VASN: variants seen among roughly 807,000 people sequenced by gnomAD.
The protein encoded by VASN is protein slit-like 2.
A neutral mutation model predicts 4.8 loss-of-function variants in VASN; 5 were observed. The observed-to-expected ratio is 1.03, with a 90% CI of 0.54 to 2.17. The LOEUF (loss-of-function observed/expected upper bound fraction) is 2.17. VASN is among the 30% of genes most tolerant of loss of function. The pLI is 0.01. For missense variants in VASN, 927 were observed against 948.8 expected (o/e 0.98, Z 0.30); for synonymous variants, 499 against 460.8 (o/e 1.08, Z -1.06).
In VASN at chr16:4,381,742, C is replaced by T. The variant is rs371016547; in HGVS notation, c.865C>T (p.Arg289Cys). Residue 289 changes from arginine (R) to cysteine (C), a missense_variant, in exon 2 of 2, where the codon CGC becomes TGC. Transcript: ENST00000304735. ...LPGDLSGLFP[R>C]LRLLAAARNP... is the part of the protein sequence containing the mutation. ...TGGCGACCTCTCGGGCCTCTTCCCC[C>T]GCCTGCGGCTGCTGGCAGCTGCCCG... The T allele has an allele frequency of 1.3e-5, 21 of 1,604,738 alleles. 1 individual carries two copies. The highest frequency in any genetic ancestry group is 9.3e-5 in the African/African-American group (7 of 74,916).
Position 4,382,931 on chromosome 16 carries a change from C to T in VASN, c.*32C>T. Reference sequence around the variant, plus strand: ...GAGAGACAGGGCAGCTGGGGCCGGGCTCTCAGCCAGTGAGATGGCCAGCCC... The same window carrying T: ...GAGAGACAGGGCAGCTGGGGCCGGGTTCTCAGCCAGTGAGATGGCCAGCCC... On this transcript the variant is annotated 3_prime_UTR_variant, in exon 2 of 2. Transcript: ENST00000304735. 1 of 1,464,070 alleles carries T rather than the reference C, an allele frequency of 6.8e-7. No homozygotes were observed. Among genetic ancestry groups the T allele is most frequent in the Non-Finnish European group, 9.0e-7 (1 of 1,107,748 alleles). The allele number at this position is 1,464,070 out of a possible 1,614,324, so 90.7% of individuals were successfully genotyped here.
In VASN at chr16:4,372,496, G is replaced by T. The variant is rs1275389492; in HGVS notation, c.-10+503G>T. 7.9e-5 allele frequency among the ~76,000 whole-genome samples: 12 copies of T among 152,194 alleles called. No individual in the cohort carries two copies. The East Asian group carries it at 2.3e-3, about 29-fold the overall frequency. ...CAGCCCTAGGGAGGGGCGGGGAGTG[G>T]CTGGTGGGCGTCCGATGCCCATCCC... On this transcript the variant is annotated intron_variant, in intron 1 of 1. Coordinates refer to ENST00000304735, the MANE Select transcript of VASN (RefSeq NM_138440.3).
At chr16:4,379,702 G>A (rs2054880294) in intron 1 of VASN, among the ~76,000 whole-genome samples, 1 of 151,946 alleles carries the variant, frequency 6.6e-6, no homozygotes, top group South Asian at 2.1e-4. Flanking sequence ...CAAGGGGATG[G>A]CTGCTGCTCA....
At position 4,381,052 on chromosome 16, in the gene VASN, G is replaced by C. The variant is rs774558122; in HGVS notation, c.175G>C (p.Val59Leu). 3 of 1,610,600 alleles carry C rather than the reference G, an allele frequency of 1.9e-6. No individual in the cohort carries two copies. The highest frequency in any genetic ancestry group is 2.5e-6 in the Non-Finnish European group (3 of 1,179,180). The change falls in exon 2 of 2, where the codon GTC becomes CTC. Residue 59 changes from valine to leucine, a missense_variant. Coordinates refer to ENST00000304735, the MANE Select transcript of VASN (RefSeq NM_138440.3). ...DVPPDTVGLY[V>L]FENGITMLDA... ...GCCACCCGACACGGTGGGGCTGTAC[G>C]TCTTTGAGAACGGCATCACCATGCT...
At position 4,381,913 on chromosome 16, in the gene VASN, G is replaced by A. The variant is rs779257249; in HGVS notation, c.1036G>A (p.Asp346Asn). The change falls in exon 2 of 2, where the codon GAC becomes AAC. Residue 346 changes from aspartate (D) to asparagine (N), a missense_variant. Physicochemically the swap from Asp to Asn is conservative, Grantham distance 23 (BLOSUM62 1). Transcript: ENST00000304735. ...GRLLLELDYADFGCPATTTTA... is the reference protein window; with the variant it reads ...GRLLLELDYANFGCPATTTTA... ...GCTGCTCCTGGAGCTTGACTACGCC[G>A]ACTTTGGCTGCCCAGCCACCACCAC... 1.5e-5 allele frequency: 24 copies of A among 1,606,172 alleles called. No homozygotes were observed. Among genetic ancestry groups the A allele is most frequent in the East Asian group, 6.7e-5 (3 of 44,724 alleles).
chr16:4,383,287 G>T lies in VASN; in HGVS notation c.*388G>T. 4.3e-6 allele frequency: 1 copy of T among 235,028 alleles called. No individual in the cohort carries two copies. 14.6% of individuals were successfully genotyped at this position (235,028 alleles called of 1,614,324 possible). A position where few individuals can be genotyped will look rare whatever the true frequency, so the allele number is the denominator to read the frequency against. The stretch of plus-strand genomic sequence containing the variant: ...TCCCGGAAAGAGCAGAGGGAGAGCG[G>T]GTAGGCGGCTGTGTGACTCTAGTCT... On this transcript the variant is annotated 3_prime_UTR_variant, in exon 2 of 2. Coordinates refer to ENST00000304735, the MANE Select transcript of VASN (RefSeq NM_138440.3).
chr16:4,373,607 T>C (rs1461619289), intron 1 of VASN, among the ~76,000 whole-genome samples: 3 of 152,164 alleles, frequency 2.0e-5, no homozygotes, highest in Admixed American at 1.3e-4. Context: ...GCAAGGGAGA[T>C]GCCCCGGGCA....
In VASN at chr16:4,382,508, C is replaced by T. The variant is rs543565855; in HGVS notation, c.1631C>T (p.Pro544Leu). 22 of 1,592,458 alleles carry T rather than the reference C, an allele frequency of 1.4e-5. No individual in the cohort carries two copies. In the South Asian group the frequency reaches 1.9e-4, roughly 14 times the overall value. The change falls in exon 2 of 2, where the codon CCG becomes CTG. Residue 544 changes from proline to leucine, a missense_variant. By Grantham distance (98) the Pro-to-Leu change is moderately conservative (BLOSUM62 -3). Coordinates refer to ENST00000304735, the MANE Select transcript of VASN (RefSeq NM_138440.3). ...CVMPLGPGRV[P>L]EGEEACGEAH... ...ATGCCTTTGGGGCCCGGGCGGGTGC[C>T]GGAGGGCGAGGAGGCCTGCGGGGAG...
At position 4,382,613 on chromosome 16, in the gene VASN, C is replaced by T. The variant is rs757420411; in HGVS notation, c.1736C>T (p.Ala579Val). 20 of 1,584,958 alleles carry T rather than the reference C, an allele frequency of 1.3e-5. No homozygotes were observed. Among genetic ancestry groups the T allele is most frequent in the Middle Eastern group, 3.3e-4 (2 of 6,008 alleles). ...GAGGGCAACCTGCCGCTCCTCATTGCGCCCGCCCTGGCCGCGGTGCTCCTG... is the reference window on the plus strand; with the variant it reads ...GAGGGCAACCTGCCGCTCCTCATTGTGCCCGCCCTGGCCGCGGTGCTCCTG... The part of the protein sequence containing the change: ...AREGNLPLLI[A>V]PALAAVLLAA... The change falls in exon 2 of 2, where the codon GCG becomes GTG. Residue 579 changes from alanine to valine, a missense_variant. By Grantham distance (64) the Ala-to-Val change is moderately conservative (BLOSUM62 0). Transcript: ENST00000304735.
At position 4,381,644 on chromosome 16, in the gene VASN, G is replaced by A. The variant is rs200864274; in HGVS notation, c.767G>A (p.Arg256Gln). The change falls in exon 2 of 2, where the codon CGG becomes CAG. Residue 256 changes from arginine (R) to glutamine (Q), a missense_variant. Arg to Gln is a conservative substitution (Grantham distance 43). Coordinates refer to ENST00000304735, the MANE Select transcript of VASN (RefSeq NM_138440.3). ...GGCAACACCCGCATTGCCCAGCTGCGGCCCGAGGACCTGGCCGGCCTGGCT... is the reference window on the plus strand; with the variant it reads ...GGCAACACCCGCATTGCCCAGCTGCAGCCCGAGGACCTGGCCGGCCTGGCT... ...LAGNTRIAQL[R>Q]PEDLAGLAAL... 152 of 1,600,788 alleles carry A rather than the reference G, an allele frequency of 9.5e-5. No homozygotes were observed. In the African/African-American group the frequency reaches 1.3e-3, roughly 14 times the overall value.
Position 4,381,396 on chromosome 16 carries a change from G to C in VASN, c.519G>C (p.Leu173=), listed in dbSNP as rs757633214. Residue 173 remains leucine, a synonymous_variant, in exon 2 of 2, where the codon CTG becomes CTC. Transcript: ENST00000304735. ...LPPLRLPRLL[L]LDLSHNSLLA... Reference sequence around the variant, plus strand: ...CGCTGCGCCTGCCCCGCCTGCTGCTGCTGGACCTCAGCCACAACAGCCTCC... The same window carrying C: ...CGCTGCGCCTGCCCCGCCTGCTGCTCCTGGACCTCAGCCACAACAGCCTCC... 3.1e-6 allele frequency: 5 copies of C among 1,588,034 alleles called. No homozygotes were observed. The African/African-American group carries it at 4.0e-5, about 13-fold the overall frequency.
Position 4,382,659 on chromosome 16 carries a change from G to A in VASN, c.1782G>A (p.Gly594=), listed in dbSNP as rs1415112274. 2 of 1,552,778 alleles carry A rather than the reference G, an allele frequency of 1.3e-6. No individual in the cohort carries two copies. Among genetic ancestry groups the A allele is most frequent in the Admixed American group, 3.8e-5 (2 of 52,300 alleles). ...AVLLAALAAV[G]AAYCVRRGRA... ...TCCTGGCCGCGCTGGCTGCGGTGGG[G>A]GCAGCCTACTGTGTGCGGCGGGGGC... Residue 594 remains glycine, a synonymous_variant, in exon 2 of 2, where the codon GGG becomes GGA. Transcript: ENST00000304735.
intron 1 of VASN, among the ~76,000 whole-genome samples, chr16:4,378,065 C>T (rs1327603037): frequency 6.6e-6 from 1 of 152,184 alleles, no homozygotes; most frequent in African/African-American, 2.4e-5. Context: ...TGGCTGGTCC[C>T]CCTCCCCAGT....
rs770990773 is a variant in VASN at position 4,381,436 on chromosome 16, G to C, written c.559G>C (p.Gly187Arg). 21 of 1,579,668 alleles carry C rather than the reference G, an allele frequency of 1.3e-5. No homozygotes were observed. The highest frequency in any genetic ancestry group is 1.8e-5 in the Non-Finnish European group (21 of 1,164,780). Residue 187 changes from glycine (G) to arginine (R), a missense_variant, in exon 2 of 2, where the codon GGC becomes CGC. Coordinates refer to ENST00000304735, the MANE Select transcript of VASN (RefSeq NM_138440.3). ...CAACAGCCTCCTGGCCCTGGAGCCC[G>C]GCATCCTGGACACTGCCAACGTGGA... ...SHNSLLALEP[G>R]ILDTANVEAL...
chr16:4,373,294 G>C (rs1214092138), intron 1 of VASN, among the ~76,000 whole-genome samples: 1 of 152,100 alleles, frequency 6.6e-6, no homozygotes, highest in African/African-American at 2.4e-5. Context: ...AGCCTCCCCT[G>C]GGCCTGGGGA....
Position 4,382,071 on chromosome 16 carries a change from G to T in VASN, c.1194G>T (p.Pro398=), listed in dbSNP as rs746508419. Residue 398 remains proline, a synonymous_variant, in exon 2 of 2, where the codon CCG becomes CCT. Coordinates refer to ENST00000304735, the MANE Select transcript of VASN (RefSeq NM_138440.3). The part of the protein sequence containing the change: ...EAPSPPSTAP[P]TVGPVPQPQD... ...CCAGCCCGCCCTCCACTGCCCCACC[G>T]ACTGTAGGGCCTGTCCCCCAGCCCC... 6.3e-7 allele frequency: 1 copy of T among 1,584,290 alleles called. No homozygotes were observed. The highest frequency in any genetic ancestry group is 8.6e-7 in the Non-Finnish European group (1 of 1,167,242).
At position 4,382,467 on chromosome 16, in the gene VASN, T is replaced by C. The variant is rs80302957; in HGVS notation, c.1590T>C (p.Thr530=). 2,812 of 1,607,268 alleles carry C rather than the reference T, an allele frequency of 1.7e-3. 17 individuals carry two copies. In the African/African-American group the frequency reaches 0.022, roughly 12 times the overall value. The change falls in exon 2 of 2, where the codon ACT becomes ACC. Residue 530 remains threonine, a synonymous_variant. Coordinates refer to ENST00000304735, the MANE Select transcript of VASN (RefSeq NM_138440.3). ...YTVTQLRPNA[T]YSVCVMPLGP... ...TCACCCAGCTGCGGCCCAACGCCAC[T>C]TACTCCGTCTGTGTCATGCCTTTGG...
intron 1 of VASN, among the ~76,000 whole-genome samples, chr16:4,373,630 G>A (rs571565770): frequency 4.9e-4 from 74 of 152,272 alleles, no homozygotes; most frequent in African/African-American, 9.4e-4. Context: ...AGATGGGTCC[G>A]CGGCTCCTAG....
chr16:4,373,443 G>C (rs2141220829), intron 1 of VASN, among the ~76,000 whole-genome samples: 1 of 152,248 alleles, frequency 6.6e-6, no homozygotes, highest in South Asian at 2.1e-4. Context: ...CTGGGGGCTG[G>C]GGTCCCAGGG....
Sources: allele counts gnomAD v4.1 joint callset (sites outside exome capture counted in the v4.1 genomes callset), GRCh38; gene constraint gnomAD v4.1.1; transcripts MANE v1.5; gene names NCBI Gene and HGNC (gene_info 2026-07-23, HGNC 2026-07-21).